The following LMCD1 variants were observed in gnomAD, a reference collection of about 807,000 sequenced individuals.
The protein encoded by LMCD1 is LIM and cysteine-rich domains protein 1.
In LMCD1, 32 loss-of-function variants were observed where a neutral mutation model predicts 42.7. That is an observed-to-expected ratio of 0.75 (90% CI 0.57 to 1.01). The LOEUF is 1.01. LMCD1 is among the 50% of genes least tolerant of loss of function. The probability of loss-of-function intolerance (pLI) is 0.00; values close to 1 mark genes in which losing one functional copy is unlikely to be tolerated. For synonymous variants in LMCD1, 178 were observed against 184.9 expected (o/e 0.96, Z 0.30); for missense variants, 458 against 483.1 (o/e 0.95, Z 0.49).
chr3:8,544,323 C>T (rs529352610), intron 3 of LMCD1, among the ~76,000 whole-genome samples: 4 of 152,258 alleles, frequency 2.6e-5, no homozygotes, highest in Admixed American at 2.6e-4. Context: ...CCCTGACTTC[C>T]AGACACTCCA....
At chr3:8,547,482 G>T (rs1331906289) in intron 3 of LMCD1, among the ~76,000 whole-genome samples, 1 of 152,180 alleles carries the variant, frequency 6.6e-6, no homozygotes, top group Non-Finnish European at 1.5e-5. Flanking sequence ...AGCCAATAAG[G>T]TGTAAGTTTT....
At chr3:8,541,082 G>A (rs1428867325) in intron 3 of LMCD1, among the ~76,000 whole-genome samples, 1 of 152,196 alleles carries the variant, frequency 6.6e-6, no homozygotes, top group African/African-American at 2.4e-5. Context: ...AATCAGAACA[G>A]GGTCTCCGGA....
intron 4 of LMCD1, among the ~76,000 whole-genome samples, chr3:8,556,197 C>A (rs1196700555): frequency 6.6e-6 from 1 of 152,140 alleles, no homozygotes; most frequent in Non-Finnish European, 1.5e-5. Flanking sequence ...AATTATCCTA[C>A]AAAGTATATC....
chr3:8,518,430 G>C (rs1207593272), intron 1 of LMCD1, among the ~76,000 whole-genome samples: 1 of 152,170 alleles, frequency 6.6e-6, no homozygotes, highest in Non-Finnish European at 1.5e-5. Context: ...CCATCAGAGG[G>C]TCATCTCCTG....
In LMCD1 at chr3:8,567,557, C is replaced by G. The variant is rs764105937; in HGVS notation, c.1057C>G (p.Gln353Glu). 6.2e-7 allele frequency: 1 copy of G among 1,613,798 alleles called. No individual in the cohort carries two copies. The highest frequency in any genetic ancestry group is 1.1e-5 in the South Asian group (1 of 91,032). Reference protein sequence around the residue: ...SGRAYIVTKGQLLCPTCSKSK... With the variant: ...SGRAYIVTKGELLCPTCSKSK... ...CCGGGCGTACATCGTCACCAAGGGT[C>G]AGCTTCTGTGCCCAACTTGCAGCAA... Residue 353 changes from glutamine (Q) to glutamate (E), a missense_variant, in exon 6 of 6, where the codon CAG (glutamine) becomes GAG (glutamate). By Grantham distance (29) the Gln-to-Glu change is conservative. Transcript: ENST00000157600.
chr3:8,557,560 C>T (rs1209603254), intron 4 of LMCD1, among the ~76,000 whole-genome samples: 2 of 152,208 alleles, frequency 1.3e-5, no homozygotes, highest in African/African-American at 4.8e-5. Flanking sequence ...CTCATATCTG[C>T]TGATCCCTCT....
At chr3:8,524,796 C>G (rs576549386) in intron 1 of LMCD1, among the ~76,000 whole-genome samples, 2 of 152,018 alleles carry the variant, frequency 1.3e-5, no homozygotes, top group Non-Finnish European at 2.9e-5. Context: ...GCAATCCTCC[C>G]GCCTCAGCCT....
chr3:8,560,977 A>G (rs1444668538), intron 4 of LMCD1, among the ~76,000 whole-genome samples: 2 of 152,222 alleles, frequency 1.3e-5, no homozygotes, highest in Non-Finnish European at 2.9e-5. Context: ...AACTGCTATC[A>G]GTACATGACG....
At chr3:8,548,324 C>T (rs1010005318) in intron 3 of LMCD1, among the ~76,000 whole-genome samples, 10 of 151,526 alleles carry the variant, frequency 6.6e-5, no homozygotes, top group African/African-American at 2.2e-4. Flanking sequence ...TTTTCCTTTA[C>T]TAAAGTTTTT....
At chr3:8,507,937 T>C (rs1447781564) in intron 1 of LMCD1, among the ~76,000 whole-genome samples, 1 of 152,242 alleles carries the variant, frequency 6.6e-6, no homozygotes, top group Non-Finnish European at 1.5e-5. Context: ...ATTGATAGTC[T>C]GGTTCAGAAG....
At chr3:8,564,399 T>C (rs1695092762) in intron 4 of LMCD1, among the ~76,000 whole-genome samples, 1 of 152,068 alleles carries the variant, frequency 6.6e-6, no homozygotes, top group Admixed American at 6.6e-5. Context: ...GTCTTCTGAG[T>C]AGCTAGGACT....
Position 8,514,987 on chromosome 3 carries a change from C to T in LMCD1, c.42+13007C>T, listed in dbSNP as rs150569306. On this transcript the variant is annotated intron_variant, in intron 1 of 5. Coordinates refer to ENST00000157600, the MANE Select transcript of LMCD1 (RefSeq NM_014583.4). ...GCGAATACTGGAGATTGGTGCATTT[C>T]GACCGCATGTAAGTTTTCCTTTGAA... 6.9e-4 allele frequency: 316 copies of T among 456,620 alleles called. 4 individuals carry two copies. The East Asian group carries it at 0.013, about 19-fold the overall frequency. 28.3% of individuals were successfully genotyped at this position (456,620 alleles called of 1,614,324 possible). A position where few individuals can be genotyped will look rare whatever the true frequency, so the allele number is the denominator to read the frequency against.
At chr3:8,566,158 C>T (rs1015069507) in intron 5 of LMCD1, among the ~76,000 whole-genome samples, 4 of 152,134 alleles carry the variant, frequency 2.6e-5, no homozygotes, top group African/African-American at 9.6e-5. Context: ...GTTAGTCTTA[C>T]GATAATATAC....
intron 3 of LMCD1, among the ~76,000 whole-genome samples, chr3:8,547,079 T>C (rs1439900930): frequency 2.0e-5 from 3 of 152,228 alleles, no homozygotes; most frequent in Non-Finnish European, 4.4e-5. Context: ...GACTCCTTTT[T>C]CTTTCCACTG....
intron 1 of LMCD1, among the ~76,000 whole-genome samples, chr3:8,523,921 T>A (rs1169311667): frequency 3.9e-5 from 6 of 152,182 alleles, no homozygotes; most frequent in African/African-American, 1.2e-4. Context: ...AAATGTAGAC[T>A]TTAAGTTATG....
chr3:8,562,568 C>T (rs1353526684), intron 4 of LMCD1, among the ~76,000 whole-genome samples: 1 of 152,136 alleles, frequency 6.6e-6, no homozygotes, highest in African/African-American at 2.4e-5. Flanking sequence ...TCCTGTGTAC[C>T]TACATCTCCT....
chr3:8,520,760 C>A (rs1317599938), intron 1 of LMCD1, among the ~76,000 whole-genome samples: 4 of 152,196 alleles, frequency 2.6e-5, no homozygotes, highest in Non-Finnish European at 5.9e-5. Context: ...TCAACTTTTG[C>A]CCTATAGGAA....
intron 3 of LMCD1, among the ~76,000 whole-genome samples, chr3:8,546,275 A>T (rs558565438): frequency 9.2e-5 from 14 of 152,136 alleles, no homozygotes; most frequent in East Asian, 5.8e-4. Context: ...TGATGAGCTT[A>T]AAAAAAATCA....
rs201761622 is a variant in LMCD1, at chr3:8,532,802, G to A, written c.108G>A (p.Ser36=). 38 of 1,613,794 alleles carry A rather than the reference G, an allele frequency of 2.4e-5. No individual in the cohort carries two copies. Among genetic ancestry groups the A allele is most frequent in the East Asian group, 8.9e-5 (4 of 44,844 alleles). The change falls in exon 2 of 6, where the codon TCG becomes TCA. Residue 36 remains serine (S), a synonymous_variant. Coordinates refer to ENST00000157600, the MANE Select transcript of LMCD1 (RefSeq NM_014583.4). ...VACLGCKGTC[S]GFEPHSWRKI... ...GTTTGGGATGCAAGGGGACGTGTTC[G>A]GGCTTCGAGCCACATTCATGGAGGT...
Sources: allele counts gnomAD v4.1 joint callset (sites outside exome capture counted in the v4.1 genomes callset), GRCh38; gene constraint gnomAD v4.1.1; transcripts MANE v1.5; gene names NCBI Gene and HGNC (gene_info 2026-07-23, HGNC 2026-07-21).